Variants in EPHB2 observed in about 807,000 individuals in gnomAD.
EPHB2 encodes ephrin type-B receptor 2.
Under a neutral mutation model 96.4 loss-of-function variants are expected in EPHB2, and 18 were observed. That is an observed-to-expected ratio of 0.19 (90% CI 0.13 to 0.28). The LOEUF (loss-of-function observed/expected upper bound fraction) is 0.28, where lower values mean the gene tolerates loss of function less well. Ranked by LOEUF, EPHB2 falls within the 10% of genes least tolerant of loss-of-function variation. The pLI is 1.00. For synonymous variants in EPHB2, 506 were observed against 534.1 expected (o/e 0.95, Z 0.72); for missense variants, 989 against 1,355.4 (o/e 0.73, Z 4.25).
chr1:22,740,080 A>G (rs1355411309), intron 1 of EPHB2, among the ~76,000 whole-genome samples: 6 of 152,168 alleles, frequency 3.9e-5, no homozygotes, highest in Admixed American at 1.3e-4. Context: ...TTCGGGTCCA[A>G]ACGATTTGCC....
chr1:22,814,194 A>G (rs1472583514), intron 3 of EPHB2, among the ~76,000 whole-genome samples: 1 of 152,118 alleles, frequency 6.6e-6, no homozygotes, highest in Non-Finnish European at 1.5e-5. Flanking sequence ...GGAAAAAGAA[A>G]TGATACTCAC....
At chr1:22,772,284 C>T (rs1486440355) in intron 1 of EPHB2, among the ~76,000 whole-genome samples, 1 of 152,120 alleles carries the variant, frequency 6.6e-6, no homozygotes, top group African/African-American at 2.4e-5. Flanking sequence ...AGGCAGGGGA[C>T]AGAGCAGAGG....
At chr1:22,720,740 C>T (rs1005574933) in intron 1 of EPHB2, among the ~76,000 whole-genome samples, 2 of 145,244 alleles carry the variant, frequency 1.4e-5, no homozygotes, top group African/African-American at 5.1e-5. Context: ...AGGGACTTTC[C>T]ACTTCACTAT....
At chr1:22,760,887 G>C (rs1046109050) in intron 1 of EPHB2, among the ~76,000 whole-genome samples, 1 of 152,130 alleles carries the variant, frequency 6.6e-6, no homozygotes, top group African/African-American at 2.4e-5. Context: ...TCCTCCCGAC[G>C]AGCCTGCAAA....
chr1:22,815,287 G>T (rs1372275633), intron 3 of EPHB2, among the ~76,000 whole-genome samples: 1 of 152,284 alleles, frequency 6.6e-6, no homozygotes, highest in Admixed American at 6.5e-5. Context: ...GGGTACAGGA[G>T]GCTGGGTTTG....
chr1:22,867,895 A>G (rs1331916547), intron 5 of EPHB2, among the ~76,000 whole-genome samples: 1 of 152,180 alleles, frequency 6.6e-6, no homozygotes, highest in Admixed American at 6.5e-5. Context: ...AAAAAAGTCA[A>G]CAAGTGATAG....
chr1:22,714,406 G>A (rs889558753), intron 1 of EPHB2, among the ~76,000 whole-genome samples: 1 of 152,196 alleles, frequency 6.6e-6, no homozygotes, highest in African/African-American at 2.4e-5. Flanking sequence ...CTTATAGGAT[G>A]TGGAGAATTT....
intron 3 of EPHB2, among the ~76,000 whole-genome samples, chr1:22,806,504 CGGATGGATGGAT>C (rs144315850): frequency 0.19 from 28,621 of 148,588 alleles, 2,977 homozygotes; most frequent in East Asian, 0.47. Flanking sequence ...GACGGACGGA[CGGATGGATGGAT>C]GGATGGATGG....
At chr1:22,892,585 A>T (rs1033149325) in intron 6 of EPHB2, among the ~76,000 whole-genome samples, 5 of 152,110 alleles carry the variant, frequency 3.3e-5, no homozygotes, top group African/African-American at 1.2e-4. Context: ...ATTGGCAGGG[A>T]TCTGTAAAGC....
rs571523640 is a variant in EPHB2, at chr1:22,882,849, G to A, written c.1428+366G>A. 2.4e-5 allele frequency: 8 copies of A among 328,866 alleles called. No individual in the cohort carries two copies. The East Asian group carries it at 5.5e-4, about 23-fold the overall frequency. The allele number at this position is 328,866 out of a possible 1,614,324, so 20.4% of individuals were successfully genotyped here. A position where few individuals can be genotyped will look rare whatever the true frequency, so the allele number is the denominator to read the frequency against. ...AGCTGCACTTATGAAGTGATAATTA[G>A]TCACTCACCTCTTCTTCGACAGAGA... On this transcript the variant is annotated intron_variant, in intron 6 of 15. Transcript: ENST00000374630.
In EPHB2 at chr1:22,875,359, C is replaced by T. The variant is rs1012701859; in HGVS notation, c.1304-7000C>T. Among the ~76,000 whole-genome samples, 6 of 152,170 alleles carry T rather than the reference C, an allele frequency of 3.9e-5. No homozygotes were observed. The highest frequency in any genetic ancestry group is 3.3e-4 in the Admixed American group (5 of 15,270). The stretch of plus-strand genomic sequence containing the variant: ...TGCTACAGACCCTGGAGAGGACTAG[C>T]GCAGTGACAAGCAATTGTCATGGAA... On this transcript the variant is annotated intron_variant, in intron 5 of 15. Transcript: ENST00000374630. The surrounding 1 kb of genome is among the most constrained non-coding windows in gnomAD (Gnocchi z 4.2).
intron 5 of EPHB2, among the ~76,000 whole-genome samples, chr1:22,874,429 TG>T (rs1011921925): frequency 1.3e-5 from 2 of 152,008 alleles, no homozygotes; most frequent in African/African-American, 4.8e-5. Context: ...CACTAGGAGA[TG>T]GGTGATTGGA....
intron 1 of EPHB2, among the ~76,000 whole-genome samples, chr1:22,763,166 G>A (rs1438244834): frequency 6.6e-6 from 1 of 152,186 alleles, no homozygotes. Flanking sequence ...GGGCCTGTGC[G>A]AGCAGAACCT....
chr1:22,781,839 T>C (rs1644537636), intron 2 of EPHB2, among the ~76,000 whole-genome samples: 1 of 152,198 alleles, frequency 6.6e-6, no homozygotes, highest in South Asian at 2.1e-4. Flanking sequence ...TAAGTACCTT[T>C]ATACACATCA....
At chr1:22,900,417 A>G (rs1460675961) in intron 9 of EPHB2, among the ~76,000 whole-genome samples, 1 of 152,180 alleles carries the variant, frequency 6.6e-6, no homozygotes, top group African/African-American at 2.4e-5. Flanking sequence ...GAATTGTTTC[A>G]ATGCTTTACA....
intron 3 of EPHB2, among the ~76,000 whole-genome samples, chr1:22,844,987 C>T (rs146035939): frequency 1.3e-5 from 2 of 152,228 alleles, no homozygotes; most frequent in African/African-American, 4.8e-5. Flanking sequence ...CTTGAATGCT[C>T]AGAGCCTCAG....
In EPHB2 at chr1:22,920,212, A is replaced by C. The variant is rs1203265144; in HGVS notation, c.*6642A>C. The C allele has an allele frequency of 6.6e-6, 1 of 152,268 alleles. No individual in the cohort carries two copies. The highest frequency in any genetic ancestry group is 2.4e-5 in the African/African-American group (1 of 41,454). The allele number at this position is 152,268 out of a possible 1,614,324, so 9.4% of individuals were successfully genotyped here. ...TGGCTGTTCCAGGCTACAGCTGAGT[A>C]AAGCCCCACACAGGCCACAGTGCCC... On this transcript the variant is annotated 3_prime_UTR_variant, in exon 16 of 16. Transcript: ENST00000374630.
Position 22,913,625 on chromosome 1 carries a change from G to C in EPHB2, c.*55G>C, listed in dbSNP as rs767699695. The C allele has an allele frequency of 8.1e-6, 13 of 1,608,728 alleles. No individual in the cohort carries two copies. The South Asian group carries it at 1.1e-4, about 14-fold the overall frequency. On this transcript the variant is annotated 3_prime_UTR_variant, in exon 16 of 16. Coordinates refer to ENST00000374630, the MANE Select transcript of EPHB2 (RefSeq NM_017449.5). This position sits in a 1 kb window ranked among gnomAD's most constrained non-coding sequence, Gnocchi z 4.1. ...CCAAGCCCCGCCCCCTCTGCCCCAC[G>C]TGCCGGCCCTCCTGGTGCTCTATCC... is the stretch of plus-strand genomic sequence containing the variant.
intron 6 of EPHB2, among the ~76,000 whole-genome samples, chr1:22,889,992 G>A (rs1639341452): frequency 6.6e-6 from 1 of 152,202 alleles, no homozygotes; most frequent in South Asian, 2.1e-4. Flanking sequence ...CAAGGAAGGG[G>A]GAAAGAGTTA....
Sources: gnomAD v4.1 joint callset for allele counts (sites outside exome capture counted in the v4.1 genomes callset) on GRCh38, gnomAD v4.1.1 for gene constraint, Gnocchi (gnomAD v3.1) non-coding constraint, MANE v1.5 for transcripts, NCBI Gene and HGNC (gene_info 2026-07-23, HGNC 2026-07-21) for gene names.